Variants in CSMD1 observed in about 807,000 individuals in gnomAD.
CSMD1 encodes CUB and sushi domain-containing protein 1.
Under a neutral mutation model 417.5 loss-of-function variants are expected in CSMD1, and 213 were observed. The observed-to-expected ratio is 0.51, with a 90% CI of 0.46 to 0.57. The LOEUF is 0.57. Ranked by LOEUF, CSMD1 falls within the 20% of genes least tolerant of loss-of-function variation. The pLI is 0.00. For synonymous variants in CSMD1, 2,862 were observed against 1,736.8 expected, an observed-to-expected ratio of 1.65 and a Z score of -16.11; for missense variants, 6,923 against 4,529.7, an observed-to-expected ratio of 1.53 and a Z score of -15.17.
In CSMD1 at chr8:4,162,795, T is replaced by C. The variant is rs115794537; in HGVS notation, c.416-130696A>G. The stretch of plus-strand genomic sequence containing the variant: ...TTTACAATAGGGTTCACTCTTGGTA[T>C]TGTACATGCTATGGGTGTGGATAAA... On this transcript the variant is annotated intron_variant, in intron 3 of 69. Coordinates refer to ENST00000635120, the MANE Select transcript of CSMD1 (RefSeq NM_033225.6). Among the ~76,000 whole-genome samples the C allele has an allele frequency of 8.8e-3, 1,333 of 152,266 alleles. 24 individuals are homozygous for C. The highest frequency in any genetic ancestry group is 0.031 in the African/African-American group (1,291 of 41,550).
chr8:3,675,820 T>G (rs1005413267), intron 7 of CSMD1, among the ~76,000 whole-genome samples: 2 of 152,222 alleles, frequency 1.3e-5, no homozygotes, highest in African/African-American at 4.8e-5. Context: ...GCAGCCAGAG[T>G]TGACTAAGCT....
intron 12 of CSMD1, among the ~76,000 whole-genome samples, chr8:3,453,916 A>C (rs143158238): frequency 3.3e-5 from 5 of 152,118 alleles, no homozygotes; most frequent in African/African-American, 1.2e-4. Flanking sequence ...GTAGGGTGTT[A>C]AAGTCTCCCA....
At chr8:4,599,530 T>G (rs778932982) in intron 2 of CSMD1, among the ~76,000 whole-genome samples, 5 of 151,882 alleles carry the variant, frequency 3.3e-5, no homozygotes, top group South Asian at 2.1e-4. Flanking sequence ...TTACACTAAG[T>G]GCACAATATA....
intron 5 of CSMD1, among the ~76,000 whole-genome samples, chr8:3,779,155 G>C (rs1799045488): frequency 7.0e-6 from 1 of 143,102 alleles, no homozygotes; most frequent in East Asian, 2.0e-4. Context: ...ATACTTGTGT[G>C]TGTGTGTGTG....
intron 2 of CSMD1, among the ~76,000 whole-genome samples, chr8:4,479,320 G>C (rs1449821370): frequency 1.3e-5 from 2 of 152,072 alleles, no homozygotes; most frequent in Non-Finnish European, 2.9e-5. Context: ...GTATGAAAAA[G>C]GAATTTTATA....
intron 5 of CSMD1, among the ~76,000 whole-genome samples, chr8:3,868,936 C>G (rs112786519): frequency 5.6e-4 from 86 of 152,278 alleles, no homozygotes; most frequent in African/African-American, 1.9e-3. Flanking sequence ...ACCCCAGAGC[C>G]AAAGAGACTC....
chr8:2,986,556 G>A (rs1805926729), intron 54 of CSMD1, among the ~76,000 whole-genome samples: 1 of 152,108 alleles, frequency 6.6e-6, no homozygotes, highest in Non-Finnish European at 1.5e-5. Flanking sequence ...CCAGGCTGGA[G>A]TGCAATGGCG....
At chr8:3,324,459 CCTT>C (rs1806382112) in intron 23 of CSMD1, among the ~76,000 whole-genome samples, 3 of 115,330 alleles carry the variant, frequency 2.6e-5, no homozygotes, top group Non-Finnish European at 5.3e-5. Flanking sequence ...GTGGGAGTTT[CCTT>C]CCCCCCACCA....
At chr8:3,801,695 A>G (rs886898790) in intron 5 of CSMD1, among the ~76,000 whole-genome samples, 1 of 152,208 alleles carries the variant, frequency 6.6e-6, no homozygotes, top group Admixed American at 6.5e-5. Flanking sequence ...AGCATCATTC[A>G]TAATATCCAA....
intron 20 of CSMD1, among the ~76,000 whole-genome samples, chr8:3,366,328 G>C (rs1181706850): frequency 1.3e-5 from 2 of 152,042 alleles, no homozygotes; most frequent in Non-Finnish European, 2.9e-5. Flanking sequence ...ATGTGACCAA[G>C]TTTATCTCTC....
chr8:4,322,086 C>A (rs1253890516), intron 3 of CSMD1, among the ~76,000 whole-genome samples: 1 of 152,094 alleles, frequency 6.6e-6, no homozygotes, highest in East Asian at 1.9e-4. Flanking sequence ...CTGAAATGAA[C>A]TCTTTAATTA....
chr8:4,775,542 G>C (rs1244598228), intron 1 of CSMD1, among the ~76,000 whole-genome samples: 2 of 152,128 alleles, frequency 1.3e-5, no homozygotes, highest in South Asian at 2.1e-4. Context: ...GAAGGACCAA[G>C]GGTAACAAAT....
chr8:4,397,069 T>C (rs1191800499), intron 3 of CSMD1, among the ~76,000 whole-genome samples: 1 of 152,020 alleles, frequency 6.6e-6, no homozygotes, highest in Non-Finnish European at 1.5e-5. Flanking sequence ...CTTCTCAAAT[T>C]ATGCACACTT....
chr8:3,401,364 G>C (rs1366672064), intron 15 of CSMD1, among the ~76,000 whole-genome samples: 1 of 151,864 alleles, frequency 6.6e-6, no homozygotes, highest in African/African-American at 2.4e-5. Flanking sequence ...TGTCTAACTT[G>C]CCAAATATTA....
chr8:4,056,072 G>T lies in CSMD1; in HGVS notation c.416-23973C>A, dbSNP rs1213657698. Among the ~76,000 whole-genome samples, 23 of 135,682 alleles carry T rather than the reference G, an allele frequency of 1.7e-4. No homozygotes were observed. The Admixed American group carries it at 1.8e-3, about 10-fold the overall frequency. The allele number at this position is 135,682 out of a possible 152,430, so 89.0% of individuals were successfully genotyped here. On this transcript the variant is annotated intron_variant, in intron 3 of 69. Coordinates refer to ENST00000635120, the MANE Select transcript of CSMD1 (RefSeq NM_033225.6). The stretch of plus-strand genomic sequence containing the variant: ...CCTGAATCTCTGTTTGGATATTGGT[G>T]GCTTCCTTTTTTTTTTTTTTTTTTT...
intron 10 of CSMD1, among the ~76,000 whole-genome samples, chr8:3,524,519 G>C (rs1261316176): frequency 7.6e-6 from 1 of 131,524 alleles, no homozygotes; most frequent in African/African-American, 3.0e-5. Flanking sequence ...ATGCACACAT[G>C]CAAAGACATA....
At chr8:4,665,526 C>T (rs1353417742) in intron 1 of CSMD1, among the ~76,000 whole-genome samples, 2 of 152,174 alleles carry the variant, frequency 1.3e-5, no homozygotes, top group East Asian at 3.8e-4. Flanking sequence ...CCCTCTCCCC[C>T]AGAGGGTGGC....
intron 11 of CSMD1, among the ~76,000 whole-genome samples, chr8:3,478,187 C>T (rs1325350571): frequency 6.6e-6 from 1 of 152,204 alleles, no homozygotes; most frequent in Non-Finnish European, 1.5e-5. Context: ...GATGATGTGA[C>T]TTAACATCAA....
chr8:4,737,120 G>A (rs1452011554), intron 1 of CSMD1, among the ~76,000 whole-genome samples: 3 of 151,960 alleles, frequency 2.0e-5, no homozygotes, highest in Non-Finnish European at 4.4e-5. Flanking sequence ...TAAAGAAAAT[G>A]TGGTACATCC....
Sources: gnomAD v4.1 joint callset for allele counts (sites outside exome capture counted in the v4.1 genomes callset) on GRCh38, gnomAD v4.1.1 for gene constraint, MANE v1.5 for transcripts, NCBI Gene and HGNC (gene_info 2026-07-23, HGNC 2026-07-21) for gene names.